LRP1B: variants seen among roughly 807,000 people sequenced by gnomAD.
LRP1B encodes the protein LDL receptor related protein 1B.
A neutral mutation model predicts 556.6 loss-of-function variants in LRP1B; 217 were observed. The observed-to-expected ratio is 0.39, with a 90% CI of 0.35 to 0.44. The LOEUF (loss-of-function observed/expected upper bound fraction) is 0.44, where lower values mean the gene tolerates loss of function less well. Among genes scored for constraint, LRP1B ranks in the 20% least tolerant of loss-of-function variants. The pLI is 1.00. For missense variants in LRP1B, 5,053 were observed against 5,620.8 expected (o/e 0.90, Z 3.23); for synonymous variants, 2,047 against 1,865.8 (o/e 1.10, Z -2.50).
At chr2:142,123,865 C>T (rs1171053318) in intron 1 of LRP1B, among the ~76,000 whole-genome samples, 2 of 151,708 alleles carry the variant, frequency 1.3e-5, no homozygotes, top group Admixed American at 1.3e-4. Context: ...ATCTGTGGTA[C>T]AAATGTATTA....
intron 2 of LRP1B, among the ~76,000 whole-genome samples, chr2:141,753,388 C>G (rs2105574034): frequency 6.6e-6 from 1 of 151,028 alleles, no homozygotes; most frequent in African/African-American, 2.4e-5. Context: ...TCCACCAAAT[C>G]TATAACCTGC....
chr2:142,109,552 G>A (rs1706885162), intron 1 of LRP1B, among the ~76,000 whole-genome samples: 1 of 152,140 alleles, frequency 6.6e-6, no homozygotes, highest in Admixed American at 6.6e-5. Context: ...TGTTGTTACT[G>A]TAAGCAATGC....
intron 1 of LRP1B, among the ~76,000 whole-genome samples, chr2:141,907,393 T>A (rs962606100): frequency 4.6e-5 from 7 of 151,994 alleles, no homozygotes; most frequent in Non-Finnish European, 1.0e-4. Flanking sequence ...GAATATAATT[T>A]TTAAAAGTCA....
intron 1 of LRP1B, among the ~76,000 whole-genome samples, chr2:142,001,386 A>G (rs928294192): frequency 6.6e-6 from 1 of 152,208 alleles, no homozygotes; most frequent in African/African-American, 2.4e-5. Flanking sequence ...GTAAATATTT[A>G]CTGAGCATTA....
At chr2:141,222,658 C>A (rs921254360) in intron 6 of LRP1B, among the ~76,000 whole-genome samples, 1 of 152,166 alleles carries the variant, frequency 6.6e-6, no homozygotes, top group African/African-American at 2.4e-5. Flanking sequence ...CCAAATCCAG[C>A]AGCACATCCA....
chr2:140,621,976 T>TA (rs1683474962), intron 41 of LRP1B, among the ~76,000 whole-genome samples: 1 of 152,244 alleles, frequency 6.6e-6, no homozygotes, highest in African/African-American at 2.4e-5. Context: ...TAGGACATTA[T>TA]AGCAACAAAC....
At chr2:140,883,164 C>CAT (rs1034056032) in intron 25 of LRP1B, among the ~76,000 whole-genome samples, 3 of 152,102 alleles carry the variant, frequency 2.0e-5, no homozygotes, top group African/African-American at 7.2e-5. Flanking sequence ...AACGGGAACC[C>CAT]ATATGTTCTG....
At chr2:141,703,790 G>A (rs1183236098) in intron 2 of LRP1B, among the ~76,000 whole-genome samples, 1 of 151,872 alleles carries the variant, frequency 6.6e-6, no homozygotes, top group African/African-American at 2.4e-5. Context: ...CAGAAACTCT[G>A]GCAGGGGGTT....
intron 29 of LRP1B, among the ~76,000 whole-genome samples, chr2:140,843,558 T>C (rs1333424354): frequency 1.3e-5 from 2 of 152,176 alleles, no homozygotes; most frequent in African/African-American, 4.8e-5. Flanking sequence ...ACTTTAACCA[T>C]ATTAATATGT....
chr2:140,836,812 G>A (rs1691920543), intron 31 of LRP1B, among the ~76,000 whole-genome samples: 1 of 152,136 alleles, frequency 6.6e-6, no homozygotes, highest in African/African-American at 2.4e-5. Flanking sequence ...TTACGCATTG[G>A]GGAGACTATC....
intron 66 of LRP1B, among the ~76,000 whole-genome samples, chr2:140,437,809 T>G (rs1406875765): frequency 6.6e-6 from 1 of 152,072 alleles, no homozygotes; most frequent in Non-Finnish European, 1.5e-5. Flanking sequence ...TTCAGGACAG[T>G]GGGAAGAAGG....
At chr2:141,916,298 T>A (rs537646256) in intron 1 of LRP1B, among the ~76,000 whole-genome samples, 3 of 152,122 alleles carry the variant, frequency 2.0e-5, no homozygotes, top group Non-Finnish European at 4.4e-5. Context: ...AAGGCCATTA[T>A]CCTAAGAGAA....
At chr2:141,830,898 C>T (rs1697092586) in intron 1 of LRP1B, among the ~76,000 whole-genome samples, 1 of 151,748 alleles carries the variant, frequency 6.6e-6, no homozygotes, top group African/African-American at 2.4e-5. Flanking sequence ...ATCTAGAAAA[C>T]TAAGCATAGC....
chr2:140,652,100 A>T (rs936827635), intron 41 of LRP1B, among the ~76,000 whole-genome samples: 2 of 152,130 alleles, frequency 1.3e-5, no homozygotes, highest in Admixed American at 6.5e-5. Flanking sequence ...AAATGTTTTT[A>T]AAAAAGCAAC....
chr2:141,451,244 A>T (rs1444302951), intron 3 of LRP1B, among the ~76,000 whole-genome samples: 1 of 152,208 alleles, frequency 6.6e-6, no homozygotes, highest in African/African-American at 2.4e-5. Flanking sequence ...TATGACTTCA[A>T]CAGAATACAA....
chr2:140,236,243 G>T (rs1333657177), intron 89 of LRP1B, among the ~76,000 whole-genome samples: 1 of 150,770 alleles, frequency 6.6e-6, no homozygotes, highest in East Asian at 2.0e-4. Flanking sequence ...CTGAATATGT[G>T]GGATCCTATT....
At chr2:140,963,158 T>A (rs1046654462) in intron 18 of LRP1B, among the ~76,000 whole-genome samples, 2 of 152,130 alleles carry the variant, frequency 1.3e-5, no homozygotes, top group Non-Finnish European at 2.9e-5. Flanking sequence ...GTTTCCTGGA[T>A]CAATATAGGA....
chr2:140,281,150 G>A (rs537950838), intron 84 of LRP1B, among the ~76,000 whole-genome samples: 1 of 151,872 alleles, frequency 6.6e-6, no homozygotes, highest in African/African-American at 2.4e-5. Flanking sequence ...CATGTAACCA[G>A]AAATACAAGT....
intron 3 of LRP1B, among the ~76,000 whole-genome samples, chr2:141,422,165 AG>A (rs1680170354): frequency 6.6e-6 from 1 of 152,218 alleles, no homozygotes; most frequent in Non-Finnish European, 1.5e-5. Context: ...TGTCAGATAC[AG>A]TTATAACAAA....
Sources: allele counts gnomAD v4.1 joint callset (sites outside exome capture counted in the v4.1 genomes callset), GRCh38; gene constraint gnomAD v4.1.1; transcripts MANE v1.5; gene names NCBI Gene and HGNC (gene_info 2026-07-23, HGNC 2026-07-21).